MYO3A: variants seen among roughly 807,000 people sequenced by gnomAD.
MYO3A encodes myosin-IIIa.
Under a neutral mutation model 192.7 loss-of-function variants are expected in MYO3A, and 180 were observed. The ratio of observed to expected loss-of-function variants is 0.93; its 90% CI spans 0.83 to 1.06. MYO3A has a LOEUF of 1.06. MYO3A is among the 50% of genes least tolerant of loss of function. MYO3A has a pLI of 0.00. For missense variants in MYO3A, 1,896 were observed against 1,905.0 expected, an observed-to-expected ratio of 1.00 and a Z score of 0.09; for synonymous variants, 628 against 645.3, an observed-to-expected ratio of 0.97 and a Z score of 0.41.
chr10:26,153,721 T>C, intron 23 of MYO3A, 129 bp from the exon 24 acceptor site: 1 of 637,054 alleles, frequency 1.6e-6, no homozygotes, highest in Non-Finnish European at 2.8e-6. Context: ...CCATAAATAG[T>C]TAACCAAGCA....
intron 17 of MYO3A, among the ~76,000 whole-genome samples, chr10:26,097,885 CAT>C (rs1485303565): frequency 2.0e-5 from 3 of 152,122 alleles, no homozygotes; most frequent in Admixed American, 6.6e-5. Flanking sequence ...TGCATGCAAA[CAT>C]ATGTGTGCAT....
At chr10:26,143,694 A>G in intron 21 of MYO3A, 93 bp downstream of exon 21, 1 of 1,470,326 alleles carries the variant, frequency 6.8e-7, no homozygotes, top group South Asian at 1.2e-5. Flanking sequence ...TATCTGGAAG[A>G]AAATAGCTGT....
rs183516527 is a variant in MYO3A, at chr10:26,056,260, A to G, written c.954-10715A>G. On this transcript the variant is annotated intron_variant, in intron 10 of 34. Coordinates refer to ENST00000642920, the MANE Select transcript of MYO3A (RefSeq NM_017433.5). ...CAGTGGAGAAAACAATCTCTGAGATATATCAATAGAAATGTCTGAAATGGA... is the reference window on the plus strand; with the variant it reads ...CAGTGGAGAAAACAATCTCTGAGATGTATCAATAGAAATGTCTGAAATGGA... Among the ~76,000 whole-genome samples the G allele has an allele frequency of 5.9e-5, 9 of 152,344 alleles. No homozygotes were observed. The East Asian group carries it at 1.7e-3, about 29-fold the overall frequency.
At chr10:26,089,333 G>A (rs546496902) in intron 15 of MYO3A, among the ~76,000 whole-genome samples, 1 of 152,264 alleles carries the variant, frequency 6.6e-6, no homozygotes, top group African/African-American at 2.4e-5. Context: ...CGGGCACAGT[G>A]GCTCACACCT....
At chr10:25,960,391 C>T (rs1328401517) in intron 4 of MYO3A, among the ~76,000 whole-genome samples, 1 of 151,868 alleles carries the variant, frequency 6.6e-6, no homozygotes, top group Admixed American at 6.6e-5. Context: ...TACAGTTGAC[C>T]CTAACTTTTA....
intron 4 of MYO3A, among the ~76,000 whole-genome samples, chr10:25,961,729 T>A (rs1335883855): frequency 2.0e-5 from 3 of 152,142 alleles, no homozygotes; most frequent in African/African-American, 7.2e-5. Flanking sequence ...CATATACACA[T>A]AAGTGGCTAG....
At position 26,212,146 on chromosome 10, in the gene MYO3A, G is replaced by A; in HGVS notation, c.*183G>A. 1.1e-6 allele frequency: 1 copy of A among 902,880 alleles called. No homozygotes were observed. The highest frequency in any genetic ancestry group is 1.6e-6 in the Non-Finnish European group (1 of 625,634). 55.9% of individuals were successfully genotyped at this position (902,880 alleles called of 1,614,324 possible). ...CCGGCCTTCGTGCTCCGAAACAAGAGACCTGGGAGCCCTCGGGAAACCTCC... is the reference window on the plus strand; with the variant it reads ...CCGGCCTTCGTGCTCCGAAACAAGAAACCTGGGAGCCCTCGGGAAACCTCC... On this transcript the variant is annotated 3_prime_UTR_variant, in exon 35 of 35. Transcript: ENST00000642920.
rs181698274 is a variant in MYO3A, at chr10:26,179,189, C to T, written c.4438+2344C>T. Among the ~76,000 whole-genome samples the T allele has an allele frequency of 3.6e-5, 5 of 139,958 alleles. No individual in the cohort carries two copies. The Admixed American group carries it at 4.0e-4, about 11-fold the overall frequency. 91.8% of individuals were successfully genotyped at this position (139,958 alleles called of 152,430 possible). On this transcript the variant is annotated intron_variant, in intron 31 of 34. Coordinates refer to ENST00000642920, the MANE Select transcript of MYO3A (RefSeq NM_017433.5). ...TCTCAGCTTGCTGGAACCTCTGCCTCCTGGGTTCAAGTGATTCTCCTGCCT... is the reference window on the plus strand; with the variant it reads ...TCTCAGCTTGCTGGAACCTCTGCCTTCTGGGTTCAAGTGATTCTCCTGCCT...
intron 4 of MYO3A, among the ~76,000 whole-genome samples, chr10:25,972,780 T>A (rs901107258): frequency 1.3e-5 from 2 of 152,216 alleles, no homozygotes; most frequent in Non-Finnish European, 2.9e-5. Flanking sequence ...GTCTTTTTAT[T>A]AATCTGTCTG....
At chr10:26,050,678 C>T (rs902120679) in intron 10 of MYO3A, among the ~76,000 whole-genome samples, 2 of 152,176 alleles carry the variant, frequency 1.3e-5, no homozygotes, top group Non-Finnish European at 1.5e-5. Flanking sequence ...TCAGGTCGCT[C>T]TATCTAAAAT....
Position 26,153,851 on chromosome 10 carries a change from T to G in MYO3A, c.2637T>G (p.Gly879=). 6.5e-7 allele frequency: 1 copy of G among 1,549,714 alleles called. No homozygotes were observed. Among genetic ancestry groups the G allele is most frequent in the Non-Finnish European group, 8.9e-7 (1 of 1,121,812 alleles). The change falls in exon 24 of 35, where the codon GGT becomes GGG. Residue 879 remains glycine (G), a splice_region_variant and synonymous_variant. Transcript: ENST00000642920. ...TTACATTTTTCTACATTCTCATAGG[T>G]AATCTGCCACATTCTAAAACTAAAA... is the stretch of plus-strand genomic sequence containing the variant. ...QLVNHPLTKT[G]NLPHSKTKNV...
chr10:26,182,419 T>A (rs528235976), intron 31 of MYO3A, among the ~76,000 whole-genome samples: 1 of 152,198 alleles, frequency 6.6e-6, no homozygotes, highest in African/African-American at 2.4e-5. Flanking sequence ...AATACTGGTA[T>A]ATTTCAGCTC....
Position 26,088,296 on chromosome 10 carries a change from A to G in MYO3A, c.1453A>G (p.Ser485Gly), listed in dbSNP as rs1300120121. 1.2e-6 allele frequency: 2 copies of G among 1,613,660 alleles called. No homozygotes were observed. The highest frequency in any genetic ancestry group is 1.7e-6 in the Non-Finnish European group (2 of 1,179,720). Residue 485 changes from serine to glycine, a missense_variant, in exon 15 of 35, where the codon AGC (serine) becomes GGC (glycine). By Grantham distance (56) the Ser-to-Gly change is moderately conservative. Transcript: ENST00000642920. ...CTGCACTATTATAAATGACAATTCT[A>G]GCAGATTTGGAAAATACTTAGAAAT... ...NACTIINDNS[S>G]RFGKYLEMKF... is the part of the protein sequence containing the mutation.
chr10:26,108,962 TC>T (rs1476523659), intron 17 of MYO3A, among the ~76,000 whole-genome samples: 2 of 152,170 alleles, frequency 1.3e-5, no homozygotes, highest in African/African-American at 2.4e-5. Flanking sequence ...TCCATCAAGA[TC>T]TTAGAAATCT....
intron 23 of MYO3A, among the ~76,000 whole-genome samples, chr10:26,148,997 TCA>T (rs1450534686): frequency 6.6e-6 from 1 of 152,112 alleles, no homozygotes; most frequent in Non-Finnish European, 1.5e-5. Context: ...CTGGCTAGAA[TCA>T]CAATGCAATC....
chr10:26,120,724 A>G lies in MYO3A; in HGVS notation c.1825A>G (p.Asn609Asp). 6.2e-7 allele frequency: 1 copy of G among 1,614,126 alleles called. No individual in the cohort carries two copies. Among genetic ancestry groups the G allele is most frequent in the South Asian group, 1.1e-5 (1 of 91,086 alleles). Residue 609 changes from asparagine to aspartate, a missense_variant, in exon 18 of 35, where the codon AAC (asparagine) becomes GAC (aspartate). Transcript: ENST00000642920. ...SILAAILNVGNIEFSSVATEH... is the reference protein window; with the variant it reads ...SILAAILNVGDIEFSSVATEH... Reference sequence around the variant, plus strand: ...ACTCGCTGCAATCTTGAATGTTGGCAACATTGAATTTTCTTCTGTGGCAAC... The same window carrying G: ...ACTCGCTGCAATCTTGAATGTTGGCGACATTGAATTTTCTTCTGTGGCAAC...
intron 31 of MYO3A, among the ~76,000 whole-genome samples, chr10:26,178,473 A>C (rs1045560792): frequency 6.6e-6 from 1 of 151,866 alleles, no homozygotes; most frequent in Non-Finnish European, 1.5e-5. Context: ...GAATTACTTG[A>C]ACCTGGGAGG....
chr10:26,008,100 T>C (rs1415738574), intron 6 of MYO3A, among the ~76,000 whole-genome samples: 1 of 148,566 alleles, frequency 6.7e-6, no homozygotes, highest in Non-Finnish European at 1.5e-5. Flanking sequence ...CTATCTGATC[T>C]TTGACAAACC....
chr10:26,153,984 G>A, intron 24 of MYO3A, 55 bp downstream of exon 24: 2 of 1,242,128 alleles, frequency 1.6e-6, no homozygotes, highest in South Asian at 2.4e-5. Context: ...CCGGTATGAT[G>A]GCAATATTTG....
Sources: gnomAD v4.1 joint callset for allele counts (sites outside exome capture counted in the v4.1 genomes callset) on GRCh38, gnomAD v4.1.1 for gene constraint, MANE v1.5 for transcripts, NCBI Gene and HGNC (gene_info 2026-07-23, HGNC 2026-07-21) for gene names.